Variants in TP53BP1 observed in about 807,000 individuals in gnomAD.
The protein encoded by TP53BP1 is tumor protein p53 binding protein 1.
In TP53BP1, 61 loss-of-function variants were observed where a neutral mutation model predicts 200.8. That is an observed-to-expected ratio of 0.30 (90% CI 0.25 to 0.38). The LOEUF (loss-of-function observed/expected upper bound fraction) is 0.38, where lower values mean the gene tolerates loss of function less well. Among genes scored for constraint, TP53BP1 ranks in the 10% least tolerant of loss-of-function variants. The pLI, the probability that TP53BP1 is intolerant of heterozygous loss-of-function variation, is 1.00. For missense variants in TP53BP1, 2,144 were observed against 2,371.9 expected, an observed-to-expected ratio of 0.90 and a Z score of 2.00; for synonymous variants, 822 against 844.3, an observed-to-expected ratio of 0.97 and a Z score of 0.46.
chr15:43,408,296 G>C (rs2044987277), intron 26 of TP53BP1: 1 of 515,390 alleles, frequency 1.9e-6, no homozygotes, highest in South Asian at 2.3e-5. Flanking sequence ...TGGGCAATGT[G>C]GTGAGACCCC....
chr15:43,497,557 G>T, upstream of TP53BP1: 1 of 511,566 alleles, frequency 2.0e-6, no homozygotes, highest in Non-Finnish European at 2.5e-6. Context: ...TAAAAATCGA[G>T]AGTGATATGA....
intron 4 of TP53BP1, among the ~76,000 whole-genome samples, chr15:43,489,079 T>C (rs971499255): frequency 2.0e-5 from 3 of 152,214 alleles, no homozygotes; most frequent in African/African-American, 7.2e-5. Context: ...AACAAATTCA[T>C]ATTTATTGTT....
intron 14 of TP53BP1, among the ~76,000 whole-genome samples, chr15:43,444,027 T>C (rs1469966077): frequency 6.6e-6 from 1 of 152,194 alleles, no homozygotes; most frequent in African/African-American, 2.4e-5. Flanking sequence ...TAAACTACTT[T>C]GTCATTTTGA....
At position 43,403,838 on chromosome 15, in the gene TP53BP1, C is replaced by T; in HGVS notation, c.*3545G>A. The stretch of plus-strand genomic sequence containing the variant: ...GAAGTATGCAGCCTTGCCGAAAGGA[C>T]AGAGGTGGTTTTGCCAATGGAGAAT... On this transcript the variant is annotated 3_prime_UTR_variant, in exon 28 of 28. Coordinates refer to ENST00000382044, the MANE Select transcript of TP53BP1 (RefSeq NM_001141980.3). 1 of 1,508,606 alleles carries T rather than the reference C, an allele frequency of 6.6e-7. No homozygotes were observed. The highest frequency in any genetic ancestry group is 1.1e-5 in the South Asian group (1 of 88,772). 93.5% of individuals were successfully genotyped at this position (1,508,606 alleles called of 1,614,324 possible). A position where few individuals can be genotyped will look rare whatever the true frequency, so the allele number is the denominator to read the frequency against.
At chr15:43,468,522 G>C (rs886665949) in intron 11 of TP53BP1, among the ~76,000 whole-genome samples, 7 of 150,642 alleles carry the variant, frequency 4.6e-5, no homozygotes, top group Non-Finnish European at 1.0e-4. Flanking sequence ...ACTCCAGCCT[G>C]GGCAACAGAC....
intron 11 of TP53BP1, among the ~76,000 whole-genome samples, chr15:43,467,634 C>T (rs1814539): frequency 0.93 from 141,274 of 152,126 alleles, 65,808 homozygotes; most frequent in East Asian, 1. Flanking sequence ...GGCCAGGCAT[C>T]ATCTCCACCC....
rs1247051975 is a variant in TP53BP1, at chr15:43,471,135, G to C, written c.1181-1069C>G. ...GCAAAAAAACAAATAAATACAAAAA[G>C]CACATATAGTTTCACAAACACTGAT... On this transcript the variant is annotated intron_variant, in intron 10 of 27. Transcript: ENST00000382044. 5.9e-5 allele frequency among the ~76,000 whole-genome samples: 9 copies of C among 151,598 alleles called. No individual in the cohort carries two copies. In the South Asian group the frequency reaches 1.9e-3, roughly 32 times the overall value.
chr15:43,426,363 C>G (rs1215124066), intron 18 of TP53BP1, among the ~76,000 whole-genome samples: 1 of 146,448 alleles, frequency 6.8e-6, no homozygotes, highest in East Asian at 2.0e-4. Context: ...TCGCTTGAAC[C>G]CAGGAGACAG....
chr15:43,457,671 C>CAAAAAAAA (rs56866996), intron 11 of TP53BP1, among the ~76,000 whole-genome samples: 1 of 19,108 alleles, frequency 5.2e-5, no homozygotes, highest in Non-Finnish European at 1.1e-4. Context: ...GACTCCATCT[C>CAAAAAAAA]AAAAAAAAAA....
intron 4 of TP53BP1, among the ~76,000 whole-genome samples, chr15:43,491,327 C>T (rs975610289): frequency 3.3e-5 from 5 of 151,874 alleles, no homozygotes; most frequent in Admixed American, 6.6e-5. Context: ...GTGATCCATC[C>T]GCCTCAGCCT....
chr15:43,456,203 C>G lies in TP53BP1; in HGVS notation c.2405G>C (p.Cys802Ser). The change falls in exon 12 of 28, where the codon TGT (cysteine) becomes TCT (serine). Residue 802 changes from cysteine (C) to serine (S), a missense_variant. This residue lies in a region of TP53BP1 where 1,700 missense variants were observed against 1,710.3 expected (regional missense o/e 0.99). Coordinates refer to ENST00000382044, the MANE Select transcript of TP53BP1 (RefSeq NM_001141980.3). ...WEDIAPEIEP[C>S]AENRLDTKEE... is the part of the protein sequence containing the mutation. Reference sequence around the variant, plus strand: ...CTTGGTGTCTAATCTATTCTCAGCACATGGTTCTATTTCTGGAGCAATATC... The same window carrying G: ...CTTGGTGTCTAATCTATTCTCAGCAGATGGTTCTATTTCTGGAGCAATATC... 6.2e-7 allele frequency: 1 copy of G among 1,614,206 alleles called. No homozygotes were observed. The highest frequency in any genetic ancestry group is 8.5e-7 in the Non-Finnish European group (1 of 1,180,046).
intron 11 of TP53BP1, among the ~76,000 whole-genome samples, chr15:43,457,441 C>T (rs192780488): frequency 2.6e-5 from 4 of 152,108 alleles, no homozygotes; most frequent in African/African-American, 7.2e-5. Context: ...AGTGGGGATA[C>T]GTACTCATTT....
chr15:43,490,975 C>G (rs901019036), intron 4 of TP53BP1, among the ~76,000 whole-genome samples: 2 of 151,938 alleles, frequency 1.3e-5, no homozygotes, highest in African/African-American at 4.8e-5. Context: ...ACAATTGAAT[C>G]TTGTTTAGGG....
intron 10 of TP53BP1, among the ~76,000 whole-genome samples, chr15:43,472,288 T>C (rs2046745562): frequency 6.6e-6 from 1 of 152,350 alleles, no homozygotes; most frequent in African/African-American, 2.4e-5. Context: ...CTTAGAACAA[T>C]GCCTTGCCTA....
chr15:43,441,353 T>C (rs1210403445), intron 15 of TP53BP1, 173 bp downstream of exon 15: 2 of 514,332 alleles, frequency 3.9e-6, no homozygotes, highest in Non-Finnish European at 6.9e-6. Context: ...TCACTGAACT[T>C]AAAAAAGTAT....
chr15:43,473,280 C>A (rs968958443), intron 10 of TP53BP1, among the ~76,000 whole-genome samples: 6 of 152,158 alleles, frequency 3.9e-5, no homozygotes, highest in Non-Finnish European at 5.9e-5. Context: ...CTGGCTCGGG[C>A]AGCCTGCTTT....
intron 21 of TP53BP1, among the ~76,000 whole-genome samples, chr15:43,417,559 C>T (rs967016697): frequency 1.3e-5 from 2 of 152,214 alleles, no homozygotes; most frequent in African/African-American, 4.8e-5. Context: ...CATGAGCAAA[C>T]AGCCTCAAGA....
chr15:43,421,551 T>C (rs2045398775), intron 19 of TP53BP1: 2 of 498,016 alleles, frequency 4.0e-6, no homozygotes, highest in Middle Eastern at 1.1e-3. Context: ...TACTCCCAAC[T>C]AAATCATATA....
rs1203400658 is a variant in TP53BP1 at position 43,407,188 on chromosome 15, C to CA, written c.*194dup. The CA allele has an allele frequency of 1.6e-5, 9 of 570,948 alleles. No homozygotes were observed. Among genetic ancestry groups the CA allele is most frequent in the South Asian group, 6.9e-5 (3 of 43,464 alleles). The allele number at this position is 570,948 out of a possible 1,614,324, so 35.4% of individuals were successfully genotyped here. A position where few individuals can be genotyped will look rare whatever the true frequency, so the allele number is the denominator to read the frequency against. On this transcript the variant is annotated 3_prime_UTR_variant, in exon 28 of 28. Transcript: ENST00000382044. ...TTGTCATTTGTTCTGAGATTAAGCT[C>CA]AAAAAAACAGATGAAGAAATCCCAG...
Sources: allele counts gnomAD v4.1 joint callset (sites outside exome capture counted in the v4.1 genomes callset), GRCh38; gene constraint gnomAD v4.1.1; regional missense constraint gnomAD v4.1.1; transcripts MANE v1.5; gene names NCBI Gene and HGNC (gene_info 2026-07-23, HGNC 2026-07-21).